NUDCD1: variants seen among roughly 807,000 people sequenced by gnomAD.
NUDCD1 encodes NudC domain containing 1, also known as nudC domain-containing protein 1.
A neutral mutation model predicts 67.8 loss-of-function variants in NUDCD1; 60 were observed. The observed-to-expected ratio is 0.88, with a 90% CI of 0.72 to 1.10. The LOEUF is 1.10. NUDCD1 is among the 50% of genes least tolerant of loss of function. The probability of loss-of-function intolerance (pLI) is 0.00; values close to 1 mark genes in which losing one functional copy is unlikely to be tolerated. For synonymous variants in NUDCD1, 244 were observed against 230.8 expected (o/e 1.06, Z -0.52); for missense variants, 643 against 695.0 (o/e 0.93, Z 0.84).
chr8:109,272,409 A>T (rs1814180916), intron 7 of NUDCD1, among the ~76,000 whole-genome samples: 1 of 151,894 alleles, frequency 6.6e-6, no homozygotes, highest in Admixed American at 6.6e-5. Context: ...ACCCAAACAG[A>T]AACATTGAAA....
In NUDCD1 at chr8:109,243,013, T is replaced by C; in HGVS notation, c.1748A>G (p.Asn583Ser). The C allele has an allele frequency of 6.4e-7, 1 of 1,563,774 alleles. No homozygotes were observed. Residue 583 changes from asparagine (N) to serine (S), a missense_variant, in exon 10 of 10, where the codon AAT (asparagine) becomes AGT (serine). Coordinates refer to ENST00000239690, the MANE Select transcript of NUDCD1 (RefSeq NM_032869.4). ...NLFLIKVNTE[N>S] Reference sequence around the variant, plus strand: ...GAGGCCAATATGTTAGAATAATTAATTCTCTGTATTTACTTTTATTAAAAA... The same window carrying C: ...GAGGCCAATATGTTAGAATAATTAACTCTCTGTATTTACTTTTATTAAAAA...
intron 2 of NUDCD1, among the ~76,000 whole-genome samples, chr8:109,319,263 G>A (rs1046727713): frequency 3.3e-5 from 5 of 152,080 alleles, no homozygotes; most frequent in East Asian, 3.9e-4. Context: ...GTGAGCCACC[G>A]CGCTCGGCCC....
chr8:109,316,705 T>G (rs1200602098), intron 2 of NUDCD1, among the ~76,000 whole-genome samples: 1 of 152,192 alleles, frequency 6.6e-6, no homozygotes, highest in Non-Finnish European at 1.5e-5. Context: ...AGTATTCTTC[T>G]GTATCCCAGG....
chr8:109,254,858 G>A (rs566641608), intron 8 of NUDCD1, among the ~76,000 whole-genome samples: 1 of 152,154 alleles, frequency 6.6e-6, no homozygotes, highest in Non-Finnish European at 1.5e-5. Flanking sequence ...TGGGATGCCA[G>A]ATTGAAACTT....
At chr8:109,245,580 T>A in intron 8 of NUDCD1, 99 bp from the exon 9 acceptor site, 1 of 842,286 alleles carries the variant, frequency 1.2e-6, no homozygotes, top group Non-Finnish European at 1.8e-6. Context: ...TGTCAGCAAC[T>A]GTTTTATACT....
intron 5 of NUDCD1, among the ~76,000 whole-genome samples, chr8:109,288,115 A>C (rs1814618662): frequency 6.6e-6 from 1 of 152,236 alleles, no homozygotes; most frequent in Non-Finnish European, 1.5e-5. Context: ...ATAATTTTTA[A>C]AAATTACAAC....
chr8:109,257,173 T>G (rs1003121914), intron 8 of NUDCD1, among the ~76,000 whole-genome samples: 1 of 151,982 alleles, frequency 6.6e-6, no homozygotes, highest in African/African-American at 2.4e-5. Flanking sequence ...GAAAAAGAAA[T>G]AAAACGTATG....
At chr8:109,245,880 A>AC (rs1813482904) in intron 8 of NUDCD1, among the ~76,000 whole-genome samples, 1 of 152,204 alleles carries the variant, frequency 6.6e-6, no homozygotes, top group Non-Finnish European at 1.5e-5. Flanking sequence ...CCTTTTAGGA[A>AC]CTGGGCCGCA....
intron 8 of NUDCD1, among the ~76,000 whole-genome samples, chr8:109,247,381 C>T (rs1269911364): frequency 6.6e-6 from 1 of 152,168 alleles, no homozygotes; most frequent in Non-Finnish European, 1.5e-5. Flanking sequence ...TGAATGATCT[C>T]TGGTCCATCC....
At chr8:109,276,775 C>A (rs956202459) in intron 6 of NUDCD1, among the ~76,000 whole-genome samples, 6 of 152,096 alleles carry the variant, frequency 3.9e-5, no homozygotes, top group African/African-American at 1.4e-4. Flanking sequence ...CGTGCCTCAG[C>A]CTCCCAAGTA....
At chr8:109,249,460 G>T (rs1416235317) in intron 8 of NUDCD1, among the ~76,000 whole-genome samples, 1 of 152,062 alleles carries the variant, frequency 6.6e-6, no homozygotes, top group South Asian at 2.1e-4. Flanking sequence ...CACTTATTCT[G>T]TCTTAATCCC....
At position 109,280,955 on chromosome 8, in the gene NUDCD1, T is replaced by TA. The variant is rs3830706; in HGVS notation, c.1028+12dup. Reference sequence around the variant, plus strand: ...AGATAATAGAATATTAAAGTAAAATTAAAAAAAAATACCTATTACTCTCTT... The same window carrying TA: ...AGATAATAGAATATTAAAGTAAAATTAAAAAAAAAATACCTATTACTCTCTT... On this transcript the variant is annotated intron_variant, in intron 6 of 9. Coordinates refer to ENST00000239690, the MANE Select transcript of NUDCD1 (RefSeq NM_032869.4). 3.7e-4 allele frequency: 475 copies of TA among 1,282,836 alleles called. 1 individual carries two copies. The highest frequency in any genetic ancestry group is 4.9e-4 in the Non-Finnish European group (453 of 929,880). The allele number at this position is 1,282,836 out of a possible 1,614,324, so 79.5% of individuals were successfully genotyped here.
rs551867736 is a variant in NUDCD1, at chr8:109,287,269, A to T, written c.823+2482T>A. On this transcript the variant is annotated intron_variant, in intron 5 of 9. Coordinates refer to ENST00000239690, the MANE Select transcript of NUDCD1 (RefSeq NM_032869.4). The stretch of plus-strand genomic sequence containing the variant: ...TTAAAACAGAACTACAATTCAACCC[A>T]GTAATCTCAATAGTGGGTATATATA... Among the ~76,000 whole-genome samples, 13 of 152,312 alleles carry T rather than the reference A, an allele frequency of 8.5e-5. No homozygotes were observed. In the South Asian group the frequency reaches 2.7e-3, roughly 32 times the overall value.
At chr8:109,265,062 A>T (rs1441311211) in intron 8 of NUDCD1, among the ~76,000 whole-genome samples, 2 of 152,080 alleles carry the variant, frequency 1.3e-5, no homozygotes, top group African/African-American at 4.8e-5. Context: ...GGTGGTTAAA[A>T]GGCTTGCTAA....
intron 8 of NUDCD1, among the ~76,000 whole-genome samples, chr8:109,262,144 T>C (rs1426752335): frequency 6.6e-6 from 1 of 152,258 alleles, no homozygotes; most frequent in Non-Finnish European, 1.5e-5. Flanking sequence ...TATGTGGTTT[T>C]ACTTCGTATT....
Position 109,281,174 on chromosome 8 carries a change from T to A in NUDCD1, c.824-2A>T. 6.2e-7 allele frequency: 1 copy of A among 1,600,502 alleles called. No individual in the cohort carries two copies. Among genetic ancestry groups the A allele is most frequent in the Non-Finnish European group, 8.5e-7 (1 of 1,171,196 alleles). Reference sequence around the variant, plus strand: ...TCTGTTGCCAGTAATACAGAGGTTCTATTGGGAAAAGAAAAATGCATCATG... The same window carrying A: ...TCTGTTGCCAGTAATACAGAGGTTCAATTGGGAAAAGAAAAATGCATCATG... On this transcript the variant is annotated splice_acceptor_variant, in intron 5 of 9. Transcript: ENST00000239690. LOFTEE classifies it high-confidence loss of function.
intron 2 of NUDCD1, among the ~76,000 whole-genome samples, chr8:109,318,181 C>T (rs532141267): frequency 6.6e-5 from 10 of 152,168 alleles, no homozygotes; most frequent in African/African-American, 1.2e-4. Flanking sequence ...CCTAACAACA[C>T]GTATTAGAGC....
intron 2 of NUDCD1, among the ~76,000 whole-genome samples, chr8:109,302,351 C>G (rs1185563263): frequency 1.3e-5 from 2 of 152,172 alleles, no homozygotes; most frequent in East Asian, 3.9e-4. Flanking sequence ...TTCCTAATCT[C>G]TGCTCCCAAT....
chr8:109,297,522 C>CTT (rs11403939), intron 2 of NUDCD1, among the ~76,000 whole-genome samples: 1 of 151,808 alleles, frequency 6.6e-6, no homozygotes, highest in East Asian at 1.9e-4. Flanking sequence ...GAGTTTGTCT[C>CTT]TTTTTCCCCC....
Sources: allele counts gnomAD v4.1 joint callset (sites outside exome capture counted in the v4.1 genomes callset), GRCh38; gene constraint gnomAD v4.1.1; transcripts MANE v1.5; gene names NCBI Gene and HGNC (gene_info 2026-07-23, HGNC 2026-07-21).